MYO7A: variants seen among roughly 807,000 people sequenced by gnomAD.
MYO7A encodes the protein unconventional myosin-VIIa.
Under a neutral mutation model 263.8 loss-of-function variants are expected in MYO7A, and 210 were observed. The ratio of observed to expected loss-of-function variants is 0.80; its 90% CI spans 0.71 to 0.89. The LOEUF (loss-of-function observed/expected upper bound fraction) is 0.89. Ranked by LOEUF, MYO7A falls within the 40% of genes least tolerant of loss-of-function variation. The pLI, the probability that MYO7A is intolerant of heterozygous loss-of-function variation, is 0.00. For missense variants in MYO7A, 2,820 were observed against 2,968.3 expected (o/e 0.95, Z 1.16); for synonymous variants, 1,239 against 1,197.3 (o/e 1.03, Z -0.72).
At position 77,172,893 on chromosome 11, in the gene MYO7A, G is replaced by T; in HGVS notation, c.1935+8G>T. 1.3e-6 allele frequency: 2 copies of T among 1,545,418 alleles called. No homozygotes were observed. Among genetic ancestry groups the T allele is most frequent in the Non-Finnish European group, 1.8e-6 (2 of 1,141,710 alleles). ...GAGTTCAAGAAGCCCATGGTGAGTG[G>T]CCCTGGCCTGGGGTTGGCGGGTGGC... On this transcript the variant is annotated splice_region_variant and intron_variant, in intron 16 of 48. Coordinates refer to ENST00000409709, the MANE Select transcript of MYO7A (RefSeq NM_000260.4).
At chr11:77,183,819 C>G (rs1451847683) in intron 26 of MYO7A, among the ~76,000 whole-genome samples, 2 of 152,298 alleles carry the variant, frequency 1.3e-5, no homozygotes, top group Non-Finnish European at 2.9e-5. Flanking sequence ...TCAGGGGCTC[C>G]CACTTCACCT....
At chr11:77,172,914 G>A in intron 16 of MYO7A, 29 bp downstream of exon 16, 2 of 1,537,062 alleles carry the variant, frequency 1.3e-6, no homozygotes, top group Non-Finnish European at 1.8e-6. Flanking sequence ...GGGTTGGCGG[G>A]TGGCGGCTAG....
chr11:77,151,186 C>G (rs149297194), intron 4 of MYO7A, among the ~76,000 whole-genome samples: 101 of 152,332 alleles, frequency 6.6e-4, no homozygotes, highest in Middle Eastern at 3.4e-3. Context: ...CTGCATGGTC[C>G]TAGAGAGCAA....
Position 77,159,466 on chromosome 11 carries a change from G to A in MYO7A, c.1023G>A (p.Leu341=). 6.7e-7 allele frequency: 1 copy of A among 1,482,576 alleles called. No individual in the cohort carries two copies. The highest frequency in any genetic ancestry group is 9.1e-7 in the Non-Finnish European group (1 of 1,097,616). The allele number at this position is 1,482,576 out of a possible 1,614,324, so 91.8% of individuals were successfully genotyped here. ...CAACAGCACGCACATTTGAAAACCTGGATGCCTGTGAGGTTCTCTTCTCCC... is the reference window on the plus strand; with the variant it reads ...CAACAGCACGCACATTTGAAAACCTAGATGCCTGTGAGGTTCTCTTCTCCC... ...LQYEARTFEN[L]DACEVLFSPS... is the part of the protein sequence containing the mutation. Residue 341 remains leucine (L), a synonymous_variant, in exon 10 of 49, where the codon CTG becomes CTA. Coordinates refer to ENST00000409709, the MANE Select transcript of MYO7A (RefSeq NM_000260.4).
intron 40 of MYO7A, 23 bp from the exon 41 acceptor site, chr11:77,206,074 T>C: frequency 1.9e-6 from 3 of 1,581,462 alleles, no homozygotes; most frequent in Non-Finnish European, 2.6e-6. Context: ...ACATGCCCCC[T>C]GCTGCCCCTG....
intron 35 of MYO7A, among the ~76,000 whole-genome samples, chr11:77,201,021 C>T (rs1265676646): frequency 6.6e-6 from 1 of 152,224 alleles, no homozygotes; most frequent in African/African-American, 2.4e-5. Flanking sequence ...AGAGGAGAGG[C>T]CCCATGCCGA....
rs998118652 is a variant in MYO7A, at chr11:77,213,886, C to G, written c.6465C>G (p.Thr2155=). 2 of 1,614,064 alleles carry G rather than the reference C, an allele frequency of 1.2e-6. No individual in the cohort carries two copies. Among genetic ancestry groups the G allele is most frequent in the Non-Finnish European group, 1.7e-6 (2 of 1,179,898 alleles). The part of the protein sequence containing the change: ...TKDILTTHPF[T]KISNWSSGNT... ...ATATCCTCACCACTCATCCCTTCACCAAGATCTCCAACTGGAGCAGCGGCA... is the reference window on the plus strand; with the variant it reads ...ATATCCTCACCACTCATCCCTTCACGAAGATCTCCAACTGGAGCAGCGGCA... Residue 2155 remains threonine (T), a synonymous_variant, in exon 48 of 49, where the codon ACC becomes ACG. Coordinates refer to ENST00000409709, the MANE Select transcript of MYO7A (RefSeq NM_000260.4).
intron 9 of MYO7A, 27 bp downstream of exon 9, chr11:77,158,457 C>T: frequency 6.2e-7 from 1 of 1,604,784 alleles, no homozygotes; most frequent in African/African-American, 1.3e-5. Context: ...CTCGCCCTGC[C>T]CCACCCCTGC....
intron 27 of MYO7A, among the ~76,000 whole-genome samples, chr11:77,188,476 G>C (rs1308136247): frequency 6.6e-6 from 1 of 152,048 alleles, no homozygotes; most frequent in Non-Finnish European, 1.5e-5. Flanking sequence ...TTGAGCCACT[G>C]AATTAGGTAA....
intron 19 of MYO7A, among the ~76,000 whole-genome samples, chr11:77,177,881 A>G (rs1954777130): frequency 6.6e-6 from 1 of 152,202 alleles, no homozygotes; most frequent in African/African-American, 2.4e-5. Flanking sequence ...ATTCACCTAC[A>G]TATGCACATG....
At chr11:77,137,097 T>C (rs2135555071) in intron 2 of MYO7A, among the ~76,000 whole-genome samples, 1 of 152,324 alleles carries the variant, frequency 6.6e-6, no homozygotes, top group East Asian at 1.9e-4. Flanking sequence ...AATGTACTGC[T>C]ATAGATGGGC....
intron 20 of MYO7A, 81 bp downstream of exon 20, chr11:77,179,210 AC>A: frequency 7.8e-7 from 1 of 1,289,808 alleles, no homozygotes; most frequent in Non-Finnish European, 1.1e-6. Flanking sequence ...ACTGGCCTGC[AC>A]CCAGGCAGCA....
intron 15 of MYO7A, among the ~76,000 whole-genome samples, chr11:77,171,879 A>T (rs1954123211): frequency 1.3e-5 from 2 of 152,170 alleles, no homozygotes; most frequent in South Asian, 4.1e-4. Context: ...GTATTCTCAG[A>T]GGGGACCCCA....
At position 77,166,081 on chromosome 11, in the gene MYO7A, C is replaced by A; in HGVS notation, c.1716C>A (p.Thr572=). Residue 572 remains threonine (T), a synonymous_variant, in exon 15 of 49, where the codon ACC becomes ACA. Transcript: ENST00000409709. ...TQGFLEKNRD[T]LHGDIIQLVH... ...GCTTCCTGGAGAAGAACCGAGACAC[C>A]CTGCATGGGGACATTATCCAGCTGG... The A allele has an allele frequency of 6.2e-7, 1 of 1,613,788 alleles. No individual in the cohort carries two copies. Among genetic ancestry groups the A allele is most frequent in the Non-Finnish European group, 8.5e-7 (1 of 1,179,814 alleles).
At chr11:77,161,817 C>T (rs782517574) in intron 12 of MYO7A, among the ~76,000 whole-genome samples, 1 of 152,192 alleles carries the variant, frequency 6.6e-6, no homozygotes, top group Non-Finnish European at 1.5e-5. Flanking sequence ...GTTTGGGTGC[C>T]CACCTGCCAA....
chr11:77,190,038 C>G lies in MYO7A; in HGVS notation c.3649C>G (p.His1217Asp). 6.4e-7 allele frequency: 1 copy of G among 1,558,406 alleles called. No individual in the cohort carries two copies. Among genetic ancestry groups the G allele is most frequent in the Non-Finnish European group, 8.7e-7 (1 of 1,151,630 alleles). The change falls in exon 29 of 49, where the codon CAC becomes GAC. Residue 1217 changes from histidine to aspartate, a missense_variant. Transcript: ENST00000409709. ...GCTGCAGTACCTGCGGAACTTCATC[C>G]ACGGGGGCCCGCCCGGCTACGCCCC... The part of the protein sequence containing the change: ...KFVKYLRNFI[H>D]GGPPGYAPYC...
intron 43 of MYO7A, 70 bp from the exon 44 acceptor site, chr11:77,208,627 G>C: frequency 1.3e-6 from 2 of 1,501,414 alleles, no homozygotes; most frequent in Admixed American, 3.9e-5. Flanking sequence ...CCTCCTCTGG[G>C]TCTGGGCTCG....
rs1555051419 is a variant in MYO7A at position 77,142,723 on chromosome 11, G to A, written c.33G>A (p.Trp11Ter). 1.2e-6 allele frequency: 2 copies of A among 1,610,776 alleles called. No homozygotes were observed. The highest frequency in any genetic ancestry group is 1.7e-6 in the Non-Finnish European group (2 of 1,178,724). ...CTCGCCCATAGGGGGACCATGTGTGGATGGACCTGAGATTGGGGCAGGAGT... is the reference window on the plus strand; with the variant it reads ...CTCGCCCATAGGGGGACCATGTGTGAATGGACCTGAGATTGGGGCAGGAGT... MVILQQGDHV[W>*]MDLRLGQEFD... The change falls in exon 3 of 49, where the codon TGG becomes TGA. Residue 11 changes from tryptophan (W) to a stop codon, truncating the protein, a stop_gained. Coordinates refer to ENST00000409709, the MANE Select transcript of MYO7A (RefSeq NM_000260.4). LOFTEE classifies it high-confidence loss of function.
intron 12 of MYO7A, among the ~76,000 whole-genome samples, chr11:77,161,363 C>G (rs1278427270): frequency 5.9e-5 from 9 of 152,138 alleles, no homozygotes; most frequent in African/African-American, 2.2e-4. Flanking sequence ...GAGGAAACCT[C>G]TGGTCTCCAG....
Sources: gnomAD v4.1 joint callset for allele counts (sites outside exome capture counted in the v4.1 genomes callset) on GRCh38, gnomAD v4.1.1 for gene constraint, MANE v1.5 for transcripts, NCBI Gene and HGNC (gene_info 2026-07-23, HGNC 2026-07-21) for gene names.